Variants in MAP4K5 observed in about 807,000 individuals in gnomAD.
MAP4K5 encodes mitogen-activated protein kinase kinase kinase kinase 5, also known as MAPK/ERK kinase kinase kinase 5.
Under a neutral mutation model 135.6 loss-of-function variants are expected in MAP4K5, and 82 were observed. That is an observed-to-expected ratio of 0.60 (90% CI 0.51 to 0.73). The LOEUF (loss-of-function observed/expected upper bound fraction) is 0.73, where lower values mean the gene tolerates loss of function less well. MAP4K5 is among the 30% of genes least tolerant of loss of function. The probability of loss-of-function intolerance (pLI) is 0.00; values close to 1 mark genes in which losing one functional copy is unlikely to be tolerated. For synonymous variants in MAP4K5, 347 were observed against 335.0 expected (o/e 1.04, Z -0.39); for missense variants, 907 against 1,010.9 (o/e 0.90, Z 1.39).
intron 1 of MAP4K5, among the ~76,000 whole-genome samples, chr14:50,548,101 G>A (rs1170480096): frequency 6.6e-6 from 1 of 152,074 alleles, no homozygotes; most frequent in Non-Finnish European, 1.5e-5. Flanking sequence ...AGATACAGGG[G>A]CCCGGGATAG....
At chr14:50,443,205 A>T (rs948094708) in intron 20 of MAP4K5, among the ~76,000 whole-genome samples, 1 of 152,184 alleles carries the variant, frequency 6.6e-6, no homozygotes, top group Non-Finnish European at 1.5e-5. Context: ...TAAGAGACAA[A>T]AAGGTTGATA....
At chr14:50,490,048 C>T (rs954477830) in intron 3 of MAP4K5, among the ~76,000 whole-genome samples, 2 of 151,306 alleles carry the variant, frequency 1.3e-5, no homozygotes, top group African/African-American at 4.9e-5. Flanking sequence ...ATGCTTATTT[C>T]CTTGGGCTCC....
chr14:50,513,527 T>C (rs1174761567), intron 2 of MAP4K5, among the ~76,000 whole-genome samples: 1 of 151,934 alleles, frequency 6.6e-6, no homozygotes. Flanking sequence ...CACGAATCAA[T>C]ACATAGTAAT....
At chr14:50,469,803 A>T (rs2036916052) in intron 9 of MAP4K5, among the ~76,000 whole-genome samples, 1 of 152,214 alleles carries the variant, frequency 6.6e-6, no homozygotes, top group Admixed American at 6.5e-5. Context: ...GATACTGTTC[A>T]GGGGAAATAT....
At chr14:50,488,067 T>A (rs1176889602) in intron 3 of MAP4K5, among the ~76,000 whole-genome samples, 3 of 152,004 alleles carry the variant, frequency 2.0e-5, no homozygotes, top group African/African-American at 7.3e-5. Flanking sequence ...ACTGGGTAAT[T>A]TATAAAGAAA....
At chr14:50,473,114 G>A (rs1368883978) in intron 9 of MAP4K5, among the ~76,000 whole-genome samples, 1 of 152,062 alleles carries the variant, frequency 6.6e-6, no homozygotes, top group African/African-American at 2.4e-5. Flanking sequence ...TGTCTAAAAG[G>A]TTGTTGGATT....
chr14:50,434,866 T>C, intron 27 of MAP4K5, 96 bp downstream of exon 27: 1 of 703,186 alleles, frequency 1.4e-6, no homozygotes, highest in South Asian at 2.1e-5. Context: ...ATAAATGTTC[T>C]GACCCTAGAT....
intron 2 of MAP4K5, among the ~76,000 whole-genome samples, chr14:50,513,198 C>T (rs763981597): frequency 1.9e-4 from 29 of 152,128 alleles, no homozygotes; most frequent in South Asian, 2.1e-4. Context: ...ATTTTCTATT[C>T]GCATTGCTAA....
intron 14 of MAP4K5, among the ~76,000 whole-genome samples, chr14:50,453,572 C>T (rs1260763283): frequency 2.0e-5 from 3 of 152,148 alleles, no homozygotes; most frequent in Non-Finnish European, 4.4e-5. Flanking sequence ...TCATCCTATT[C>T]TTGCCTGGAC....
chr14:50,543,443 G>A (rs551845010), intron 1 of MAP4K5, among the ~76,000 whole-genome samples: 1 of 152,286 alleles, frequency 6.6e-6, no homozygotes, highest in South Asian at 2.1e-4. Flanking sequence ...GCTTCTATTA[G>A]TGCCACAATT....
intron 9 of MAP4K5, among the ~76,000 whole-genome samples, chr14:50,470,888 C>G (rs946212403): frequency 2.6e-5 from 4 of 151,998 alleles, no homozygotes; most frequent in African/African-American, 7.2e-5. Flanking sequence ...GTATGCCTCT[C>G]TAATAAATTA....
chr14:50,443,990 T>C lies in MAP4K5; in HGVS notation c.1386A>G (p.Gly462=). 4 of 1,608,732 alleles carry C rather than the reference T, an allele frequency of 2.5e-6. No individual in the cohort carries two copies. Among genetic ancestry groups the C allele is most frequent in the Non-Finnish European group, 3.4e-6 (4 of 1,177,190 alleles). ...ISKLMSENTE[G]SAQAPQLPRK... The stretch of plus-strand genomic sequence containing the variant: ...GTGGTAACTGTGGTGCTTGTGCTGA[T>C]CCTTCTGTATTTTCACTCATCAGTT... Residue 462 remains glycine (G), a synonymous_variant, in exon 19 of 33, where the codon GGA becomes GGG. Coordinates refer to ENST00000682126, the MANE Select transcript of MAP4K5 (RefSeq NM_006575.6).
rs1345984354 is a variant in MAP4K5, at chr14:50,419,349, G to T, written c.*670C>A. On this transcript the variant is annotated 3_prime_UTR_variant, in exon 33 of 33. Coordinates refer to ENST00000682126, the MANE Select transcript of MAP4K5 (RefSeq NM_006575.6). Reference sequence around the variant, plus strand: ...TAAGACTCCCTTTTAAGGTAATTCTGTATGAAACTGTATTATAAAATACTT... The same window carrying T: ...TAAGACTCCCTTTTAAGGTAATTCTTTATGAAACTGTATTATAAAATACTT... 1 of 152,238 alleles carries T rather than the reference G, an allele frequency of 6.6e-6. No homozygotes were observed. Among genetic ancestry groups the T allele is most frequent in the Admixed American group, 6.6e-5 (1 of 15,264 alleles). The allele number at this position is 152,238 out of a possible 1,614,324, so 9.4% of individuals were successfully genotyped here.
chr14:50,476,166 G>A lies in MAP4K5; in HGVS notation c.431C>T (p.Ala144Val). 6.6e-7 allele frequency: 1 copy of A among 1,507,288 alleles called. No individual in the cohort carries two copies. The highest frequency in any genetic ancestry group is 1.3e-5 in the South Asian group (1 of 75,974). 93.4% of individuals were successfully genotyped at this position (1,507,288 alleles called of 1,614,324 possible). The stretch of plus-strand genomic sequence containing the variant: ...GCCATGGTCTGTCAATAAAATATTA[G>A]CACCCTAGAACAAAAATACAAATAC... ...KGKMHRDIKG[A>V]NILLTDHGDV... The change falls in exon 8 of 33, where the codon GCT becomes GTT. Residue 144 changes from alanine (A) to valine (V), a missense_variant. This residue lies in a region of MAP4K5 where 196 missense variants were observed against 189.3 expected (regional missense o/e 1.04). Coordinates refer to ENST00000682126, the MANE Select transcript of MAP4K5 (RefSeq NM_006575.6).
intron 3 of MAP4K5, among the ~76,000 whole-genome samples, chr14:50,502,085 C>A (rs1441072290): frequency 6.6e-6 from 1 of 152,088 alleles, no homozygotes; most frequent in Non-Finnish European, 1.5e-5. Flanking sequence ...GGAAGATGAT[C>A]AACACTTCTG....
chr14:50,551,315 G>A (rs1272034734), intron 1 of MAP4K5, among the ~76,000 whole-genome samples: 1 of 148,774 alleles, frequency 6.7e-6, no homozygotes, highest in Admixed American at 6.8e-5. Flanking sequence ...CAACCCTCCT[G>A]ATTAAATCAG....
chr14:50,552,638 A>G (rs1443558063), intron 1 of MAP4K5, among the ~76,000 whole-genome samples: 1 of 152,238 alleles, frequency 6.6e-6, no homozygotes, highest in Non-Finnish European at 1.5e-5. Flanking sequence ...AGTTACCAAA[A>G]CAACGTGGTA....
intron 2 of MAP4K5, among the ~76,000 whole-genome samples, chr14:50,510,351 T>G (rs2037905458): frequency 6.6e-6 from 1 of 152,226 alleles, no homozygotes; most frequent in Non-Finnish European, 1.5e-5. Context: ...CCCTCCCCGT[T>G]TGGCCTGGTT....
intron 2 of MAP4K5, among the ~76,000 whole-genome samples, chr14:50,509,641 A>G (rs1340481629): frequency 6.6e-6 from 1 of 151,918 alleles, no homozygotes; most frequent in Non-Finnish European, 1.5e-5. Flanking sequence ...TAGCCTTCTA[A>G]TATGTTTAAA....
Sources: allele counts gnomAD v4.1 joint callset (sites outside exome capture counted in the v4.1 genomes callset), GRCh38; gene constraint gnomAD v4.1.1; regional missense constraint gnomAD v4.1.1; transcripts MANE v1.5; gene names NCBI Gene and HGNC (gene_info 2026-07-23, HGNC 2026-07-21).